PITPNM2: variants seen among roughly 807,000 people sequenced by gnomAD.
The protein encoded by PITPNM2 is membrane-associated phosphatidylinositol transfer protein 2.
PITPNM2 carries 35 observed loss-of-function variants against 132.2 expected under a neutral mutation model. That is an observed-to-expected ratio of 0.26 (90% CI 0.20 to 0.35). PITPNM2 has a LOEUF of 0.35. Among genes scored for constraint, PITPNM2 ranks in the 10% least tolerant of loss-of-function variants. The pLI is 1.00. For synonymous variants in PITPNM2, 738 were observed against 799.2 expected (o/e 0.92, Z 1.29); for missense variants, 1,332 against 1,912.0 (o/e 0.70, Z 5.66).
rs995290884 is a variant in PITPNM2 at position 123,078,583 on chromosome 12, T to C, written c.-96+31802A>G. Among the ~76,000 whole-genome samples, 7 of 152,134 alleles carry C rather than the reference T, an allele frequency of 4.6e-5. No homozygotes were observed. Among genetic ancestry groups the C allele is most frequent in the African/African-American group, 1.7e-4 (7 of 41,424 alleles). On this transcript the variant is annotated intron_variant, in intron 2 of 25. Transcript: ENST00000320201. The surrounding 1 kb of genome is among the most constrained non-coding windows in gnomAD (Gnocchi z 7.3). ...TTTCCACCTGCCCGGCCTCCCTGTT[T>C]CTAAAAATCTGTTGCCAAATCCTGA...
chr12:123,149,191 A>C (rs567408004), intron 1 of PITPNM2, among the ~76,000 whole-genome samples: 15 of 152,322 alleles, frequency 9.8e-5, no homozygotes, highest in Non-Finnish European at 2.1e-4. Flanking sequence ...CGACTCCCGC[A>C]GTCCACTTCT....
intron 1 of PITPNM2, among the ~76,000 whole-genome samples, chr12:123,146,861 A>G (rs2043629636): frequency 6.6e-6 from 1 of 152,140 alleles, no homozygotes; most frequent in Non-Finnish European, 1.5e-5. Context: ...AGGCTAGAAG[A>G]GAGGTCTTGT....
At chr12:123,014,932 A>G (rs2039364169) in intron 3 of PITPNM2, among the ~76,000 whole-genome samples, 1 of 152,244 alleles carries the variant, frequency 6.6e-6, no homozygotes, top group Admixed American at 6.5e-5. Context: ...AAACAATTCC[A>G]TTTATAATAG....
At chr12:123,136,078 G>A (rs1233658059) in intron 1 of PITPNM2, among the ~76,000 whole-genome samples, 2 of 152,070 alleles carry the variant, frequency 1.3e-5, no homozygotes, top group African/African-American at 2.4e-5. Context: ...TGAGGCAGGT[G>A]GATCACGAGG....
At chr12:123,068,787 AC>A (rs1346276300) in intron 2 of PITPNM2, among the ~76,000 whole-genome samples, 1 of 151,990 alleles carries the variant, frequency 6.6e-6, no homozygotes, top group East Asian at 1.9e-4. Flanking sequence ...GCACTTACGA[AC>A]CCCAGGCACC....
At chr12:123,137,763 C>A (rs747942860) in intron 1 of PITPNM2, among the ~76,000 whole-genome samples, 1 of 151,598 alleles carries the variant, frequency 6.6e-6, no homozygotes, top group East Asian at 1.9e-4. Flanking sequence ...CGTGGTGGTG[C>A]GTGTCTGTAG....
intron 1 of PITPNM2, among the ~76,000 whole-genome samples, chr12:123,119,803 T>G (rs1028688805): frequency 2.6e-5 from 4 of 151,930 alleles, no homozygotes; most frequent in African/African-American, 9.7e-5. Context: ...TTCTTTTTTT[T>G]TTTTTGAGTT....
At chr12:123,120,803 T>C (rs765504254) in intron 1 of PITPNM2, among the ~76,000 whole-genome samples, 82 of 152,176 alleles carry the variant, frequency 5.4e-4, no homozygotes, top group Non-Finnish European at 3.2e-4. Context: ...TGAGCCACCA[T>C]GTCATTCTAA....
At chr12:123,136,698 C>T (rs568388413) in intron 1 of PITPNM2, among the ~76,000 whole-genome samples, 1 of 151,846 alleles carries the variant, frequency 6.6e-6, no homozygotes, top group Admixed American at 6.6e-5. Context: ...GAGATTGACA[C>T]CATCCTGGCT....
In PITPNM2 at chr12:123,111,817, C is replaced by T. The variant is rs2042841569; in HGVS notation, c.-199-1329G>A. Among the ~76,000 whole-genome samples, 1 of 152,212 alleles carries T rather than the reference C, an allele frequency of 6.6e-6. No individual in the cohort carries two copies. The highest frequency in any genetic ancestry group is 2.4e-5 in the African/African-American group (1 of 41,456). ...AGAGTGGATGCAGGTCCCAGCCCTC[C>T]CAGTGACCATGAGCAAGCTGGCCTT... On this transcript the variant is annotated intron_variant, in intron 1 of 25. Coordinates refer to ENST00000320201, the MANE Select transcript of PITPNM2 (RefSeq NM_020845.3). This position sits in a 1 kb window ranked among gnomAD's most constrained non-coding sequence, Gnocchi z 4.1.
At chr12:123,060,360 T>G (rs1176548962) in intron 2 of PITPNM2, among the ~76,000 whole-genome samples, 6 of 152,178 alleles carry the variant, frequency 3.9e-5, no homozygotes. Flanking sequence ...TGCCATCACC[T>G]GGGTCTCCAC....
At chr12:123,148,782 G>A (rs1210261563) in intron 1 of PITPNM2, among the ~76,000 whole-genome samples, 1 of 152,128 alleles carries the variant, frequency 6.6e-6, no homozygotes, top group Admixed American at 6.5e-5. Flanking sequence ...ACAGTCTAGT[G>A]GGGGGCACGT....
intron 5 of PITPNM2, 52 bp from the exon 6 acceptor site, chr12:123,010,129 C>A: frequency 7.0e-7 from 1 of 1,418,628 alleles, no homozygotes; most frequent in South Asian, 1.2e-5. Flanking sequence ...CAACCCCCAC[C>A]CACATCTCTC....
At position 122,985,889 on chromosome 12, in the gene PITPNM2, G is replaced by A. The variant is rs1306957829; in HGVS notation, c.*138C>T. On this transcript the variant is annotated 3_prime_UTR_variant, in exon 26 of 26. Transcript: ENST00000320201. ...GAGGCAGGGCAGGGAGCACTGTGTG[G>A]TGCGGCCCGTGTCCTCCACAAGGCC... The A allele has an allele frequency of 5.0e-6, 4 of 800,074 alleles. No homozygotes were observed. The highest frequency in any genetic ancestry group is 7.1e-6 in the Non-Finnish European group (4 of 565,706). The allele number at this position is 800,074 out of a possible 1,614,324, so 49.6% of individuals were successfully genotyped here.
intron 3 of PITPNM2, among the ~76,000 whole-genome samples, chr12:123,014,764 T>C (rs1464753613): frequency 2.6e-5 from 4 of 152,148 alleles, no homozygotes; most frequent in Non-Finnish European, 5.9e-5. Context: ...ATTGGAAAGA[T>C]AGAAGTAAAA....
chr12:123,013,422 G>A (rs1278076571), intron 4 of PITPNM2, among the ~76,000 whole-genome samples: 1 of 152,236 alleles, frequency 6.6e-6, no homozygotes, highest in Non-Finnish European at 1.5e-5. Context: ...CACAGCAGCT[G>A]AAGGTCTCAG....
chr12:123,106,421 A>AG lies in PITPNM2; in HGVS notation c.-96+3963_-96+3964insC, dbSNP rs1453017632. ...GTAAATAATTCCTTTAAAAAAAAAAACAGGAAGAAAAGAAAGTACATTCTC... is the reference window on the plus strand; with the variant it reads ...GTAAATAATTCCTTTAAAAAAAAAAAGCAGGAAGAAAAGAAAGTACATTCTC... On this transcript the variant is annotated intron_variant, in intron 2 of 25. Coordinates refer to ENST00000320201, the MANE Select transcript of PITPNM2 (RefSeq NM_020845.3). The surrounding 1 kb of genome is among the most constrained non-coding windows in gnomAD (Gnocchi z 4.4). Among the ~76,000 whole-genome samples, 35 of 152,094 alleles carry AG rather than the reference A, an allele frequency of 2.3e-4. No homozygotes were observed. Among genetic ancestry groups the AG allele is most frequent in the Non-Finnish European group, 3.8e-4 (26 of 67,980 alleles).
At chr12:123,113,139 G>A (rs998754440) in intron 1 of PITPNM2, among the ~76,000 whole-genome samples, 3 of 152,216 alleles carry the variant, frequency 2.0e-5, no homozygotes, top group African/African-American at 7.2e-5. Flanking sequence ...ACGTCCACAC[G>A]TCTCAGGCTG....
chr12:123,134,701 AACTCC>A (rs1168670194), intron 1 of PITPNM2, among the ~76,000 whole-genome samples: 2 of 152,172 alleles, frequency 1.3e-5, no homozygotes, highest in Non-Finnish European at 2.9e-5. Context: ...GAGCCTACTT[AACTCC>A]AAAAGCCTAT....
Sources: allele counts gnomAD v4.1 joint callset (sites outside exome capture counted in the v4.1 genomes callset), GRCh38; gene constraint gnomAD v4.1.1; non-coding constraint Gnocchi (gnomAD v3.1); transcripts MANE v1.5; gene names NCBI Gene and HGNC (gene_info 2026-07-23, HGNC 2026-07-21).